Variants in GAREM1 observed in about 807,000 individuals in gnomAD.
GAREM1 encodes the protein GRB2 associated regulator of MAPK1 subtype 1.
In GAREM1, 26 loss-of-function variants were observed where a neutral mutation model predicts 71.3. The ratio of observed to expected loss-of-function variants is 0.36; its 90% CI spans 0.27 to 0.51. The LOEUF (loss-of-function observed/expected upper bound fraction) is 0.51, where lower values mean the gene tolerates loss of function less well. Ranked by LOEUF, GAREM1 falls within the 20% of genes least tolerant of loss-of-function variation. GAREM1 has a pLI of 0.95. For missense variants in GAREM1, 1,026 were observed against 1,103.1 expected (o/e 0.93, Z 0.99); for synonymous variants, 440 against 433.2 (o/e 1.02, Z -0.20).
chr18:32,452,466 C>A (rs975469953), intron 1 of GAREM1, among the ~76,000 whole-genome samples: 2 of 152,170 alleles, frequency 1.3e-5, no homozygotes, highest in African/African-American at 4.8e-5. Context: ...TAAAACCTCA[C>A]AAAATTCTAC....
At chr18:32,423,486 T>C (rs1052903903) in intron 1 of GAREM1, among the ~76,000 whole-genome samples, 5 of 152,244 alleles carry the variant, frequency 3.3e-5, no homozygotes, top group Non-Finnish European at 5.9e-5. Context: ...AAGAGAATTA[T>C]ACCAGCTCCA....
At chr18:32,376,036 G>C (rs1055337490) in intron 2 of GAREM1, among the ~76,000 whole-genome samples, 2 of 152,070 alleles carry the variant, frequency 1.3e-5, no homozygotes, top group Non-Finnish European at 2.9e-5. Flanking sequence ...TTATCATCAT[G>C]CTTTATTATA....
rs75877831 is a variant in GAREM1, at chr18:32,407,973, C to CT, written c.122-14939dup. Among the ~76,000 whole-genome samples the CT allele has an allele frequency of 7.6e-4, 114 of 149,542 alleles. 1 individual carries two copies. The highest frequency in any genetic ancestry group is 4.4e-3 in the South Asian group (21 of 4,726). On this transcript the variant is annotated intron_variant, in intron 1 of 5. Transcript: ENST00000269209. ...TCAACACACAAAACTAGAGTTTTGT[C>CT]TTTTTTTTTTAAAAAAAAACTAACT...
Position 32,364,011 on chromosome 18 carries a change from T to TATATATATATATAC in GAREM1, c.262+28883_262+28884insGTATATATATATAT, listed in dbSNP as rs2047897151. ...ACATATATACATATATATATATATATATATATATATATATATGTTTTTTTT... is the reference window on the plus strand; with the variant it reads ...ACATATATACATATATATATATATATATATATATATATACATATATATATATATATGTTTTTTTT... On this transcript the variant is annotated intron_variant, in intron 2 of 5. Coordinates refer to ENST00000269209, the MANE Select transcript of GAREM1 (RefSeq NM_001242409.2). 3.3e-4 allele frequency among the ~76,000 whole-genome samples: 19 copies of TATATATATATATAC among 57,494 alleles called. No individual in the cohort carries two copies. The South Asian group carries it at 0.012, about 36-fold the overall frequency. The allele number at this position is 57,494 out of a possible 152,430, so 37.7% of individuals were successfully genotyped here. A position where few individuals can be genotyped will look rare whatever the true frequency, so the allele number is the denominator to read the frequency against.
chr18:32,405,189 ATTTT>A lies in GAREM1; in HGVS notation c.122-12158_122-12155del, dbSNP rs549137576. Among the ~76,000 whole-genome samples, 21 of 150,008 alleles carry A rather than the reference ATTTT, an allele frequency of 1.4e-4. No individual in the cohort carries two copies. In the East Asian group the frequency reaches 3.9e-3, roughly 28 times the overall value. ...CCCAAACCACTGTACTTCTCTTACA[ATTTT>A]TTTTTTCTTTTTTTTGTCTTTTTGA... On this transcript the variant is annotated intron_variant, in intron 1 of 5. Transcript: ENST00000269209.
At chr18:32,459,989 T>C (rs190509508) in intron 1 of GAREM1, among the ~76,000 whole-genome samples, 13 of 152,280 alleles carry the variant, frequency 8.5e-5, no homozygotes, top group African/African-American at 2.9e-4. Context: ...TTTTAAAATT[T>C]CAAAAATAAA....
At chr18:32,433,416 T>C (rs2048643246) in intron 1 of GAREM1, among the ~76,000 whole-genome samples, 1 of 150,294 alleles carries the variant, frequency 6.7e-6, no homozygotes, top group Non-Finnish European at 1.5e-5. Context: ...TTCAACATAA[T>C]ACTAGAAGTT....
chr18:32,287,280 A>G lies in GAREM1; in HGVS notation c.1317T>C (p.Ser439=), dbSNP rs2047030585. Residue 439 remains serine, a synonymous_variant, in exon 4 of 6, where the codon AGT becomes AGC. Transcript: ENST00000269209. This position sits in a 1 kb window ranked among gnomAD's most constrained non-coding sequence, Gnocchi z 5.9. ...SGSDYLFPEA[S]EESAGIPGKS... is the part of the protein sequence containing the mutation. ...TTCCCGGGATGCCTGCTGATTCTTC[A>G]CTAGCTTCTGGGAAAAGGTAGTCGC... is the stretch of plus-strand genomic sequence containing the variant. The G allele has an allele frequency of 6.2e-7, 1 of 1,614,172 alleles. No homozygotes were observed. Among genetic ancestry groups the G allele is most frequent in the South Asian group, 1.1e-5 (1 of 91,088 alleles).
At chr18:32,319,963 G>A (rs2047414054) in intron 2 of GAREM1, among the ~76,000 whole-genome samples, 1 of 152,218 alleles carries the variant, frequency 6.6e-6, no homozygotes, top group South Asian at 2.1e-4. Flanking sequence ...TGATGTTGAA[G>A]TTAAATATGC....
intron 1 of GAREM1, among the ~76,000 whole-genome samples, chr18:32,422,638 GAAGA>G (rs1183895284): frequency 6.6e-6 from 1 of 152,142 alleles, no homozygotes; most frequent in Non-Finnish European, 1.5e-5. Context: ...GAATTTTTTG[GAAGA>G]AAGGTTTTCT....
At chr18:32,359,627 G>A (rs1375747870) in intron 2 of GAREM1, among the ~76,000 whole-genome samples, 2 of 151,990 alleles carry the variant, frequency 1.3e-5, no homozygotes, top group Admixed American at 6.5e-5. Context: ...TCTCAATATG[G>A]TTGAGGACAT....
chr18:32,441,421 T>C (rs913424172), intron 1 of GAREM1, among the ~76,000 whole-genome samples: 2 of 151,878 alleles, frequency 1.3e-5, no homozygotes, highest in African/African-American at 4.8e-5. Context: ...TGATACAGAG[T>C]AAATATTCAA....
intron 2 of GAREM1, among the ~76,000 whole-genome samples, chr18:32,355,846 G>A (rs931305696): frequency 6.6e-6 from 1 of 152,152 alleles, no homozygotes; most frequent in Non-Finnish European, 1.5e-5. Flanking sequence ...GGACAAAAAA[G>A]AATGCACAGT....
intron 2 of GAREM1, among the ~76,000 whole-genome samples, chr18:32,355,104 T>C (rs748644481): frequency 1.2e-4 from 18 of 152,294 alleles, no homozygotes; most frequent in Non-Finnish European, 2.4e-4. Flanking sequence ...AATTTGAAAG[T>C]AGGGTAGCTG....
chr18:32,426,779 T>A (rs2048580265), intron 1 of GAREM1, among the ~76,000 whole-genome samples: 1 of 152,220 alleles, frequency 6.6e-6, no homozygotes, highest in African/African-American at 2.4e-5. Context: ...CCATTTTTAT[T>A]CATAAGCTTG....
intron 1 of GAREM1, among the ~76,000 whole-genome samples, chr18:32,414,595 T>C (rs1224824668): frequency 1.3e-5 from 2 of 151,724 alleles, no homozygotes; most frequent in Non-Finnish European, 2.9e-5. Context: ...CACATGGAAA[T>C]GAAACAACAT....
intron 1 of GAREM1, among the ~76,000 whole-genome samples, chr18:32,431,732 G>A (rs1464370593): frequency 6.6e-6 from 1 of 152,110 alleles, no homozygotes; most frequent in Non-Finnish European, 1.5e-5. Flanking sequence ...CAAATTGGGT[G>A]AGCTTAAAGA....
At chr18:32,288,603 G>A (rs1216919826) in intron 3 of GAREM1, among the ~76,000 whole-genome samples, 1 of 151,016 alleles carries the variant, frequency 6.6e-6, no homozygotes, top group African/African-American at 2.4e-5. Context: ...TTGAAATTGA[G>A]AAAAAGAACT....
intron 4 of GAREM1, among the ~76,000 whole-genome samples, chr18:32,274,821 A>G (rs1447538258): frequency 6.6e-6 from 1 of 152,170 alleles, no homozygotes; most frequent in African/African-American, 2.4e-5. Flanking sequence ...CCTGCGAGCT[A>G]AAATGTAGGG....
Sources: allele counts gnomAD v4.1 joint callset (sites outside exome capture counted in the v4.1 genomes callset), GRCh38; gene constraint gnomAD v4.1.1; non-coding constraint Gnocchi (gnomAD v3.1); transcripts MANE v1.5; gene names NCBI Gene and HGNC (gene_info 2026-07-23, HGNC 2026-07-21).